The following EYS variants were observed in gnomAD, a reference collection of about 807,000 sequenced individuals.
The protein encoded by EYS is protein eyes shut homolog.
EYS carries 250 observed loss-of-function variants against 282.1 expected under a neutral mutation model. The observed-to-expected ratio is 0.89, with a 90% confidence interval of 0.80 to 0.98. The LOEUF is 0.98. Among genes scored for constraint, EYS ranks in the 50% least tolerant of loss-of-function variants. EYS has a pLI of 0.00. For synonymous variants in EYS, 1,355 were observed against 1,282.9 expected, an observed-to-expected ratio of 1.06 and a Z score of -1.20; for missense variants, 4,016 against 3,709.0, an observed-to-expected ratio of 1.08 and a Z score of -2.15.
chr6:64,942,761 T>G (rs142666015), intron 15 of EYS, among the ~76,000 whole-genome samples: 110 of 146,992 alleles, frequency 7.5e-4, no homozygotes, highest in African/African-American at 2.5e-3. Flanking sequence ...CCAGACCAGA[T>G]GGATTCACGC....
rs566675614 is a variant in EYS at position 64,950,526 on chromosome 6, G to C, written c.2260-4612C>G. Among the ~76,000 whole-genome samples the C allele has an allele frequency of 2.0e-5, 3 of 151,370 alleles. 1 individual carries two copies. The highest frequency in any genetic ancestry group is 4.2e-4 in the South Asian group (2 of 4,810). On this transcript the variant is annotated intron_variant, in intron 14 of 42. Coordinates refer to ENST00000503581, the MANE Select transcript of EYS (RefSeq NM_001142800.2). The stretch of plus-strand genomic sequence containing the variant: ...GTATTTAAAATACATTATATAGTTT[G>C]AGCTGGAAATATGCCAGAAATGGAA...
chr6:64,546,132 G>C (rs1047496820), intron 26 of EYS, among the ~76,000 whole-genome samples: 16 of 152,042 alleles, frequency 1.1e-4, no homozygotes, highest in East Asian at 3.9e-4. Flanking sequence ...TACTACAAGG[G>C]TACAGTAACC....
intron 12 of EYS, among the ~76,000 whole-genome samples, chr6:65,106,958 C>T (rs1040567040): frequency 1.3e-5 from 2 of 151,984 alleles, no homozygotes; most frequent in Non-Finnish European, 2.9e-5. Flanking sequence ...ATCCTCACAG[C>T]AAAATGAACA....
intron 13 of EYS, among the ~76,000 whole-genome samples, chr6:65,048,153 T>C (rs1460613242): frequency 6.6e-6 from 1 of 151,860 alleles, no homozygotes; most frequent in Admixed American, 6.6e-5. Context: ...GATAAACAAA[T>C]CTTGCTTTTG....
In EYS at chr6:64,388,274, A is replaced by G. The variant is rs530776885; in HGVS notation, c.6078+416T>C. Among the ~76,000 whole-genome samples, 4 of 152,268 alleles carry G rather than the reference A, an allele frequency of 2.6e-5. No individual in the cohort carries two copies. In the South Asian group the frequency reaches 8.3e-4, roughly 32 times the overall value. On this transcript the variant is annotated intron_variant, in intron 29 of 42. Transcript: ENST00000503581. The stretch of plus-strand genomic sequence containing the variant: ...TAATAAATGTTCTCACATTTTGGTA[A>G]TCTCATACAAAACACAGACTGGGGA...
chr6:64,355,069 C>T (rs187022460), intron 29 of EYS, among the ~76,000 whole-genome samples: 2 of 151,670 alleles, frequency 1.3e-5, no homozygotes, highest in African/African-American at 2.4e-5. Flanking sequence ...CCAATCTAGT[C>T]TTTCACTAAG....
intron 30 of EYS, among the ~76,000 whole-genome samples, chr6:64,270,677 C>T (rs1490525459): frequency 1.3e-5 from 2 of 152,100 alleles, no homozygotes; most frequent in African/African-American, 4.8e-5. Context: ...GCATATGCAA[C>T]ATTTGTTTAA....
intron 40 of EYS, among the ~76,000 whole-genome samples, chr6:63,773,392 G>A (rs1769984449): frequency 6.6e-6 from 1 of 152,202 alleles, no homozygotes; most frequent in African/African-American, 2.4e-5. Flanking sequence ...ACAAGGTAAT[G>A]AGTTACCAAG....
At chr6:64,317,123 T>C (rs935125662) in intron 29 of EYS, among the ~76,000 whole-genome samples, 1 of 152,122 alleles carries the variant, frequency 6.6e-6, no homozygotes, top group Non-Finnish European at 1.5e-5. Flanking sequence ...GAAGAAAATC[T>C]AGGCAATACC....
chr6:63,841,311 C>G (rs1771951434), intron 36 of EYS, among the ~76,000 whole-genome samples: 1 of 152,006 alleles, frequency 6.6e-6, no homozygotes, highest in African/African-American at 2.4e-5. Flanking sequence ...GTATTTGAAA[C>G]ATATTCATGG....
At chr6:65,274,464 C>T (rs762670184) in intron 12 of EYS, among the ~76,000 whole-genome samples, 3 of 152,178 alleles carry the variant, frequency 2.0e-5, no homozygotes, top group Admixed American at 1.3e-4. Flanking sequence ...CAAATTAGCA[C>T]ATCTCCTTGT....
chr6:65,278,444 C>T (rs765296326), intron 12 of EYS, among the ~76,000 whole-genome samples: 5 of 98,396 alleles, frequency 5.1e-5, no homozygotes, highest in Non-Finnish European at 6.9e-5. Flanking sequence ...AACCCTAATA[C>T]AGCAGCTCAT....
At chr6:64,629,097 T>C (rs550013985) in intron 22 of EYS, among the ~76,000 whole-genome samples, 8 of 152,336 alleles carry the variant, frequency 5.3e-5, no homozygotes, top group East Asian at 1.9e-4. Context: ...CTTAGGCTCC[T>C]TTAGACTGTA....
chr6:64,812,605 T>C (rs1434838701), intron 22 of EYS, among the ~76,000 whole-genome samples: 1 of 151,958 alleles, frequency 6.6e-6, no homozygotes, highest in Non-Finnish European at 1.5e-5. Context: ...ATGATAAGTA[T>C]ACTTTACTAG....
intron 18 of EYS, among the ~76,000 whole-genome samples, chr6:64,889,928 G>A (rs535215179): frequency 2.0e-5 from 3 of 152,080 alleles, no homozygotes; most frequent in Non-Finnish European, 2.9e-5. Flanking sequence ...TGGGTGGAAC[G>A]GAGCCATATT....
At chr6:65,471,108 G>C (rs899078742) in intron 5 of EYS, among the ~76,000 whole-genome samples, 1 of 151,902 alleles carries the variant, frequency 6.6e-6, no homozygotes, top group African/African-American at 2.4e-5. Context: ...CTGCACTCCA[G>C]CCTGGGTGAC....
intron 12 of EYS, among the ~76,000 whole-genome samples, chr6:65,063,027 C>A (rs889026416): frequency 1.3e-5 from 2 of 151,816 alleles, no homozygotes; most frequent in African/African-American, 2.4e-5. Flanking sequence ...CAAAGTTGGG[C>A]CACATTAAAT....
At chr6:65,031,609 A>G (rs1772607492) in intron 13 of EYS, among the ~76,000 whole-genome samples, 2 of 152,206 alleles carry the variant, frequency 1.3e-5, no homozygotes, top group African/African-American at 4.8e-5. Context: ...TGGAAATTAA[A>G]CAACCTACTC....
chr6:64,281,678 G>T (rs1354947824), intron 30 of EYS, among the ~76,000 whole-genome samples: 2 of 152,060 alleles, frequency 1.3e-5, no homozygotes, highest in East Asian at 1.9e-4. Flanking sequence ...TTAGATTAGG[G>T]TAATGTCTGG....
Sources: gnomAD v4.1 joint callset for allele counts (sites outside exome capture counted in the v4.1 genomes callset) on GRCh38, gnomAD v4.1.1 for gene constraint, MANE v1.5 for transcripts, NCBI Gene and HGNC (gene_info 2026-07-23, HGNC 2026-07-21) for gene names.